Variants in NPAS3 observed in about 807,000 individuals in gnomAD.
The protein encoded by NPAS3 is neuronal PAS domain-containing protein 3.
A neutral mutation model predicts 73.1 loss-of-function variants in NPAS3; 14 were observed. The observed-to-expected ratio is 0.19, with a 90% CI of 0.13 to 0.30. The LOEUF (loss-of-function observed/expected upper bound fraction) is 0.30. NPAS3 is among the 10% of genes least tolerant of loss of function. The pLI, the probability that NPAS3 is intolerant of heterozygous loss-of-function variation, is 1.00. For missense variants in NPAS3, 1,096 were observed against 1,250.0 expected (o/e 0.88, Z 1.86); for synonymous variants, 620 against 541.5 (o/e 1.14, Z -2.01).
chr14:33,361,435 T>C (rs947372153), intron 3 of NPAS3, among the ~76,000 whole-genome samples: 1 of 152,236 alleles, frequency 6.6e-6, no homozygotes, highest in Non-Finnish European at 1.5e-5. Context: ...TTAGACATTG[T>C]ATGTTTTCCC....
intron 6 of NPAS3, chr14:33,680,643 G>A (rs775787709): frequency 6.5e-5 from 46 of 702,468 alleles, no homozygotes; most frequent in Non-Finnish European, 1.1e-4. Flanking sequence ...TTCTTCTGTA[G>A]GACCCCTGTC....
chr14:33,621,796 G>A (rs576230699), intron 5 of NPAS3, among the ~76,000 whole-genome samples: 16 of 152,188 alleles, frequency 1.1e-4, no homozygotes, highest in African/African-American at 3.4e-4. Flanking sequence ...AAGTAAAGGC[G>A]AAATTCACAC....
intron 5 of NPAS3, among the ~76,000 whole-genome samples, chr14:33,628,427 G>C (rs2058282827): frequency 6.6e-6 from 1 of 152,216 alleles, no homozygotes; most frequent in Non-Finnish European, 1.5e-5. Flanking sequence ...GGAGTACAAA[G>C]ATAATTGTGG....
At chr14:33,007,686 A>G (rs1415144109) in intron 1 of NPAS3, among the ~76,000 whole-genome samples, 1 of 152,232 alleles carries the variant, frequency 6.6e-6, no homozygotes, top group Non-Finnish European at 1.5e-5. Context: ...TAAACAAAAG[A>G]AAAATTTCAG....
intron 3 of NPAS3, among the ~76,000 whole-genome samples, chr14:33,305,826 C>T (rs769513191): frequency 1.9e-4 from 29 of 152,110 alleles, no homozygotes; most frequent in Non-Finnish European, 3.2e-4. Context: ...AATGTGTCCA[C>T]CAAAAGTTAA....
chr14:33,107,301 AG>A (rs1481822115), intron 2 of NPAS3, among the ~76,000 whole-genome samples: 1 of 152,134 alleles, frequency 6.6e-6, no homozygotes, highest in African/African-American at 2.4e-5. Context: ...TTTGTCACAA[AG>A]GTATATTGCG....
chr14:33,366,502 G>A (rs1236374513), intron 3 of NPAS3, among the ~76,000 whole-genome samples: 6 of 152,090 alleles, frequency 3.9e-5, no homozygotes, highest in Admixed American at 6.6e-5. Context: ...AGGAGTGTTC[G>A]GGAACTCCAG....
At chr14:33,339,636 A>C (rs1172709595) in intron 3 of NPAS3, among the ~76,000 whole-genome samples, 1 of 152,162 alleles carries the variant, frequency 6.6e-6, no homozygotes, top group African/African-American at 2.4e-5. Context: ...AAAAGTATGG[A>C]TGGCTGCAAA....
intron 1 of NPAS3, among the ~76,000 whole-genome samples, chr14:33,047,420 A>G (rs555981027): frequency 5.1e-4 from 78 of 152,292 alleles, no homozygotes; most frequent in African/African-American, 1.7e-3. Flanking sequence ...GATGGTACCC[A>G]GAGGCCCTGA....
At chr14:33,622,722 C>G (rs1163735089) in intron 5 of NPAS3, among the ~76,000 whole-genome samples, 1 of 152,142 alleles carries the variant, frequency 6.6e-6, no homozygotes, top group Non-Finnish European at 1.5e-5. Flanking sequence ...ACCGATTATA[C>G]AAACTTCATC....
chr14:33,535,065 A>C (rs2054202451), intron 4 of NPAS3, among the ~76,000 whole-genome samples: 1 of 152,228 alleles, frequency 6.6e-6, no homozygotes, highest in African/African-American at 2.4e-5. Context: ...AGTCAAAGCA[A>C]AATGTTTCTC....
chr14:33,095,780 T>A (rs2042397468), intron 2 of NPAS3, among the ~76,000 whole-genome samples: 1 of 150,312 alleles, frequency 6.7e-6, no homozygotes. Context: ...GCCATTCTCC[T>A]GCCTCAGCCT....
upstream of NPAS3, among the ~76,000 whole-genome samples, chr14:32,938,482 AAATT>A (rs137988439): frequency 0.059 from 871 of 14,686 alleles, 12 homozygotes; most frequent in Middle Eastern, 0.1. Flanking sequence ...AGAGAGAGAG[AAATT>A]GAGAGAGAGA....
intron 4 of NPAS3, among the ~76,000 whole-genome samples, chr14:33,496,877 G>A (rs966868788): frequency 6.6e-6 from 1 of 152,100 alleles, no homozygotes; most frequent in African/African-American, 2.4e-5. Flanking sequence ...AAGAAAGAAA[G>A]TTTATTCCAA....
intron 3 of NPAS3, among the ~76,000 whole-genome samples, chr14:33,356,199 G>A (rs1385967262): frequency 3.3e-5 from 5 of 152,204 alleles, no homozygotes; most frequent in Admixed American, 3.3e-4. Context: ...GTGGCTTCCT[G>A]GAAGAGAGAA....
rs560921436 is a variant in NPAS3, at chr14:33,342,755, C to CT, written c.386-24430dup. On this transcript the variant is annotated intron_variant, in intron 3 of 11. Transcript: ENST00000356141. ...AAAGTTTATTGCCCCCTGCTGCTCACTATCTTGGTATGCCGTGTGTTGTTC... is the reference window on the plus strand; with the variant it reads ...AAAGTTTATTGCCCCCTGCTGCTCACTTATCTTGGTATGCCGTGTGTTGTTC... 8.6e-4 allele frequency among the ~76,000 whole-genome samples: 131 copies of CT among 152,198 alleles called. No homozygotes were observed. In the East Asian group the frequency reaches 0.017, roughly 20 times the overall value.
chr14:33,204,135 G>A (rs191375273), intron 2 of NPAS3, among the ~76,000 whole-genome samples: 71 of 152,208 alleles, frequency 4.7e-4, no homozygotes, highest in African/African-American at 1.1e-3. Flanking sequence ...TTTTTTAAAC[G>A]TGTGTAGGGT....
chr14:33,486,144 ATTTTTTTTT>A (rs754446145), intron 4 of NPAS3, among the ~76,000 whole-genome samples: 1 of 142,832 alleles, frequency 7.0e-6, no homozygotes, highest in African/African-American at 2.6e-5. Context: ...GAAGGAATGC[ATTTTTTTTT>A]TTTTTAATTC....
chr14:33,049,654 G>C (rs946409818), intron 1 of NPAS3, among the ~76,000 whole-genome samples: 2 of 152,178 alleles, frequency 1.3e-5, no homozygotes, highest in Non-Finnish European at 2.9e-5. Flanking sequence ...AATTATAGGA[G>C]CTACAAGATG....
Sources: allele counts gnomAD v4.1 joint callset (sites outside exome capture counted in the v4.1 genomes callset), GRCh38; gene constraint gnomAD v4.1.1; transcripts MANE v1.5; gene names NCBI Gene and HGNC (gene_info 2026-07-23, HGNC 2026-07-21).